The following KLF8 variants were observed in gnomAD, a reference collection of about 807,000 sequenced individuals.
KLF8 encodes the protein Krueppel-like factor 8.
In KLF8, 10 loss-of-function variants were observed where a neutral mutation model predicts 18.2. The ratio of observed to expected loss-of-function variants is 0.55; its 90% confidence interval spans 0.34 to 0.93. The LOEUF (loss-of-function observed/expected upper bound fraction) is 0.93, where lower values mean the gene tolerates loss of function less well. Among genes scored for constraint, KLF8 ranks in the 40% least tolerant of loss-of-function variants. KLF8 has a pLI of 0.02. For missense variants in KLF8, 264 were observed against 277.9 expected, an observed-to-expected ratio of 0.95 and a Z score of 0.36; for synonymous variants, 109 against 97.3, an observed-to-expected ratio of 1.12 and a Z score of -0.71.
the KLF8 span, among the ~76,000 whole-genome samples, chrX:55,929,782 A>T: frequency 9.3e-6 from 1 of 107,377 alleles, no homozygotes; most frequent in African/African-American, 3.4e-5. Flanking sequence ...CATGTAGTGT[A>T]GTTTGAAGTC....
At chrX:56,171,502 T>C in the KLF8 span, among the ~76,000 whole-genome samples, 1 of 111,067 alleles carries the variant, frequency 9.0e-6, no homozygotes, top group Non-Finnish European at 1.9e-5. Flanking sequence ...TGGGTATTTC[T>C]CCTAATGTTA....
At chrX:56,097,060 A>G in the KLF8 span, among the ~76,000 whole-genome samples, 1 of 111,751 alleles carries the variant, frequency 8.9e-6, no homozygotes, top group African/African-American at 3.2e-5. Context: ...TCCCCAAAAT[A>G]TTAGCAAATC....
the KLF8 span, among the ~76,000 whole-genome samples, chrX:56,075,356 C>T: frequency 2.7e-5 from 3 of 110,399 alleles, no homozygotes; most frequent in African/African-American, 9.8e-5. Flanking sequence ...GGTAGAGTAG[C>T]TTTTTAAATT....
At chrX:56,233,527 G>C (rs1428034424) in intron 1 of KLF8, among the ~76,000 whole-genome samples, 186 bp downstream of exon 1, 1 of 112,152 alleles carries the variant, frequency 8.9e-6, no homozygotes, top group Non-Finnish European at 1.9e-5. Context: ...TTGCTAAAGG[G>C]CTGGGCAAAG....
At chrX:56,044,220 C>T in the KLF8 span, among the ~76,000 whole-genome samples, 1 of 41,958 alleles carries the variant, frequency 2.4e-5, no homozygotes, top group Non-Finnish European at 5.1e-5. Context: ...CTGTTCCTGG[C>T]CTGTACACCT....
At chrX:56,194,229 G>A in the KLF8 span, among the ~76,000 whole-genome samples, 2 of 111,334 alleles carry the variant, frequency 1.8e-5, no homozygotes, top group Non-Finnish European at 3.8e-5. Context: ...AGAGGGTACA[G>A]CCCACAGAGG....
At chrX:56,116,634 G>GATATAT in the KLF8 span, among the ~76,000 whole-genome samples, 2,432 of 78,016 alleles carry the variant, frequency 0.031, 61 homozygotes, top group African/African-American at 0.068. Context: ...ATGATGTTCT[G>GATATAT]ATATATATAT....
At chrX:55,985,520 T>C in the KLF8 span, among the ~76,000 whole-genome samples, 1 of 112,056 alleles carries the variant, frequency 8.9e-6, no homozygotes. Context: ...GCTGTTTGGT[T>C]ACTGCAGCCT....
At chrX:56,170,771 G>A in the KLF8 span, among the ~76,000 whole-genome samples, 1 of 111,176 alleles carries the variant, frequency 9.0e-6, no homozygotes, top group African/African-American at 3.3e-5. Context: ...TTTATTCAAA[G>A]GAAAAATAAC....
At chrX:56,274,324 T>G (rs1217973061) in intron 5 of KLF8, among the ~76,000 whole-genome samples, 1 of 112,336 alleles carries the variant, frequency 8.9e-6, no homozygotes, top group Non-Finnish European at 1.9e-5. Context: ...GATAAATGTC[T>G]TTTCAGCTTT....
the KLF8 span, among the ~76,000 whole-genome samples, chrX:56,164,670 T>C: frequency 1.8e-4 from 19 of 105,410 alleles, no homozygotes; most frequent in East Asian, 5.3e-3. Context: ...ATCTTTTCTG[T>C]ATGCCCACTG....
chrX:56,243,345 A>G (rs1465315716), intron 1 of KLF8: 4 of 312,043 alleles, frequency 1.3e-5, no homozygotes, highest in Admixed American at 3.8e-5. Flanking sequence ...CTTGGCCTTC[A>G]AAGCCTTTGC....
At chrX:56,018,587 T>TAC in the KLF8 span, among the ~76,000 whole-genome samples, 1 of 110,752 alleles carries the variant, frequency 9.0e-6, no homozygotes, top group East Asian at 2.8e-4. Context: ...GAGGGAAAAA[T>TAC]ACACACACAC....
intron 3 of KLF8, chrX:56,267,942 C>T (rs1184415443): frequency 9.1e-6 from 1 of 110,323 alleles, no homozygotes; most frequent in Non-Finnish European, 1.9e-5. Flanking sequence ...TGACCAATAT[C>T]TCCCCATCCC....
chrX:55,985,682 A>G, the KLF8 span, among the ~76,000 whole-genome samples: 1 of 109,364 alleles, frequency 9.1e-6, no homozygotes, highest in African/African-American at 3.3e-5. Context: ...CAATGGTAGT[A>G]TAATGGGAAG....
chrX:56,000,755 C>T, the KLF8 span, among the ~76,000 whole-genome samples: 5 of 110,874 alleles, frequency 4.5e-5, no homozygotes, highest in African/African-American at 1.6e-4. Flanking sequence ...TAGCTAGTTG[C>T]ATATAAATTT....
the KLF8 span, among the ~76,000 whole-genome samples, chrX:55,998,215 A>T: frequency 8.9e-6 from 1 of 111,862 alleles, no homozygotes; most frequent in East Asian, 2.8e-4. Context: ...ATACCGAGAC[A>T]TTCCATTGCC....
At chrX:56,176,338 A>C in the KLF8 span, among the ~76,000 whole-genome samples, 3 of 111,488 alleles carry the variant, frequency 2.7e-5, no homozygotes, top group Non-Finnish European at 3.8e-5. Flanking sequence ...TCTGTAAAGC[A>C]TTTTATTTCT....
intron 2 of KLF8, among the ~76,000 whole-genome samples, chrX:56,251,335 G>A (rs1041819493): frequency 8.9e-6 from 1 of 112,224 alleles, no homozygotes; most frequent in Admixed American, 9.4e-5. Flanking sequence ...TGAGTATACA[G>A]TGTTGTATAT....
Sources: allele counts gnomAD v4.1 joint callset (sites outside exome capture counted in the v4.1 genomes callset), GRCh38; gene constraint gnomAD v4.1.1; transcripts MANE v1.5; gene names NCBI Gene and HGNC (gene_info 2026-07-23, HGNC 2026-07-21).